Variants in RPA2 observed in about 807,000 individuals in gnomAD.
RPA2 encodes replication protein A2, also known as replication protein A 32 kDa subunit.
Under a neutral mutation model 33.4 loss-of-function variants are expected in RPA2, and 22 were observed. The observed-to-expected ratio is 0.66, with a 90% CI of 0.47 to 0.94. RPA2 has a LOEUF of 0.94. Among genes scored for constraint, RPA2 ranks in the 40% least tolerant of loss-of-function variants. The probability of loss-of-function intolerance (pLI) is 0.00; values close to 1 mark genes in which losing one functional copy is unlikely to be tolerated. For missense variants in RPA2, 279 were observed against 329.9 expected, an observed-to-expected ratio of 0.85 and a Z score of 1.19; for synonymous variants, 109 against 114.9, an observed-to-expected ratio of 0.95 and a Z score of 0.33.
intron 6 of RPA2, 68 bp from the exon 7 acceptor site, chr1:27,894,465 T>C: frequency 2.2e-6 from 3 of 1,344,364 alleles, no homozygotes; most frequent in African/African-American, 1.5e-5. Context: ...CTACTTAAAA[T>C]AGCTCGTTAA....
At chr1:27,911,343 T>C (rs371009692) in intron 2 of RPA2, among the ~76,000 whole-genome samples, 6 of 151,994 alleles carry the variant, frequency 3.9e-5, no homozygotes, top group East Asian at 1.9e-4. Flanking sequence ...CTGGGCAACA[T>C]AGTGACACCC....
At chr1:27,892,424 G>C (rs1012096152) in intron 8 of RPA2, among the ~76,000 whole-genome samples, 177 bp from the exon 9 acceptor site, 2 of 152,174 alleles carry the variant, frequency 1.3e-5, no homozygotes, top group African/African-American at 2.4e-5. Context: ...CAGTAAAATA[G>C]CAAAACAGAG....
Position 27,914,493 on chromosome 1 carries a change from A to T in RPA2, c.-50T>A, listed in dbSNP as rs1186679573. ...GGCCGAGAAGGTGCGGGTCTGGGGG[A>T]ATAGCGGAAAACCACAGAACGCGGC... is the stretch of plus-strand genomic sequence containing the variant. On this transcript the variant is annotated 5_prime_UTR_variant, in exon 1 of 9. Transcript: ENST00000373912. 1.3e-6 allele frequency: 2 copies of T among 1,593,322 alleles called. No individual in the cohort carries two copies. Among genetic ancestry groups the T allele is most frequent in the African/African-American group, 2.7e-5 (2 of 74,438 alleles).
chr1:27,901,907 A>AAG (rs1435067508), intron 4 of RPA2, among the ~76,000 whole-genome samples: 1 of 152,004 alleles, frequency 6.6e-6, no homozygotes, highest in African/African-American at 2.4e-5. Context: ...GCCTCATTAT[A>AAG]AGAGGTCACT....
At chr1:27,905,716 C>A (rs2090018542) in intron 4 of RPA2, among the ~76,000 whole-genome samples, 1 of 152,044 alleles carries the variant, frequency 6.6e-6, no homozygotes, top group Non-Finnish European at 1.5e-5. Flanking sequence ...CAAGCTCCGC[C>A]TCCCAGCTTC....
At chr1:27,906,488 A>G (rs1418118913) in intron 4 of RPA2, among the ~76,000 whole-genome samples, 1 of 151,710 alleles carries the variant, frequency 6.6e-6, no homozygotes, top group Non-Finnish European at 1.5e-5. Flanking sequence ...TCAGGAGTTC[A>G]AGACCAGCCT....
chr1:27,891,618 C>T lies in RPA2; in HGVS notation c.*545G>A, dbSNP rs2089823965. ...GTAACACTTCTTCTTTTCCTCTGCCCCTGGAGGCACTACCGCAGAACTTCA... is the reference window on the plus strand; with the variant it reads ...GTAACACTTCTTCTTTTCCTCTGCCTCTGGAGGCACTACCGCAGAACTTCA... On this transcript the variant is annotated 3_prime_UTR_variant, in exon 9 of 9. Transcript: ENST00000373912. The T allele has an allele frequency of 6.6e-6, 1 of 152,654 alleles. No homozygotes were observed. Among genetic ancestry groups the T allele is most frequent in the African/African-American group, 2.4e-5 (1 of 41,432 alleles). 9.5% of individuals were successfully genotyped at this position (152,654 alleles called of 1,614,324 possible).
Position 27,914,529 on chromosome 1 carries a change from C to G in RPA2, c.-86G>C. 2 of 1,606,200 alleles carry G rather than the reference C, an allele frequency of 1.2e-6. No individual in the cohort carries two copies. Among genetic ancestry groups the G allele is most frequent in the Non-Finnish European group, 1.7e-6 (2 of 1,176,654 alleles). On this transcript the variant is annotated 5_prime_UTR_variant, in exon 1 of 9. Transcript: ENST00000373912. ...ACCACAGAACGCGGCCGCCACTGCG[C>G]CGCTCTGGCTACTTTTCTCTGGCAC...
At chr1:27,897,792 A>G in intron 4 of RPA2, 85 bp from the exon 5 acceptor site, 1 of 960,572 alleles carries the variant, frequency 1.0e-6, no homozygotes, top group Non-Finnish European at 1.5e-6. Flanking sequence ...GTATAGAAAG[A>G]GAAAGTTACG....
intron 2 of RPA2, among the ~76,000 whole-genome samples, chr1:27,912,414 C>T (rs139772523): frequency 1.6e-4 from 24 of 151,790 alleles, no homozygotes; most frequent in Middle Eastern, 6.8e-3. Flanking sequence ...AGCCTGACAC[C>T]GCAGTGAACA....
chr1:27,902,148 G>A (rs759045243), intron 4 of RPA2, among the ~76,000 whole-genome samples: 100 of 152,004 alleles, frequency 6.6e-4, no homozygotes, highest in Admixed American at 7.9e-4. Context: ...GGGCAGTGAC[G>A]CAATCTTGAC....
At chr1:27,908,615 C>T (rs556358108) in intron 2 of RPA2, among the ~76,000 whole-genome samples, 2 of 151,762 alleles carry the variant, frequency 1.3e-5, no homozygotes, top group Non-Finnish European at 2.9e-5. Context: ...CCTGTCTCAG[C>T]CCCCCCGAGT....
chr1:27,905,965 G>GT (rs1481353433), intron 4 of RPA2, among the ~76,000 whole-genome samples: 1 of 135,136 alleles, frequency 7.4e-6, no homozygotes, highest in Non-Finnish European at 1.6e-5. Flanking sequence ...TTAAATGTTT[G>GT]TAATATGTTG....
intron 4 of RPA2, among the ~76,000 whole-genome samples, chr1:27,903,719 CAA>C (rs58435820): frequency 1.1e-4 from 12 of 105,490 alleles, no homozygotes; most frequent in Non-Finnish European, 1.2e-4. Flanking sequence ...AGCTCAGTCT[CAA>C]AAAAAAAAAA....
chr1:27,912,654 C>A (rs1006844212), intron 2 of RPA2, among the ~76,000 whole-genome samples: 1 of 152,204 alleles, frequency 6.6e-6, no homozygotes, highest in African/African-American at 2.4e-5. Context: ...CACCCCGTGA[C>A]ATGAGTACTA....
chr1:27,891,849 C>T lies in RPA2; in HGVS notation c.*314G>A, dbSNP rs1183835750. 4 of 264,976 alleles carry T rather than the reference C, an allele frequency of 1.5e-5. No individual in the cohort carries two copies. Among genetic ancestry groups the T allele is most frequent in the Non-Finnish European group, 2.9e-5 (4 of 137,978 alleles). The allele number at this position is 264,976 out of a possible 1,614,324, so 16.4% of individuals were successfully genotyped here. A position where few individuals can be genotyped will look rare whatever the true frequency, so the allele number is the denominator to read the frequency against. ...CATTTTAAGAAGAGAAACTCCTGAG[C>T]ACTATGTAAGTACTCTCCTGGTAGC... On this transcript the variant is annotated 3_prime_UTR_variant, in exon 9 of 9. Transcript: ENST00000373912.
intron 6 of RPA2, among the ~76,000 whole-genome samples, chr1:27,896,326 CATCT>C (rs1051193701): frequency 6.6e-6 from 1 of 151,942 alleles, no homozygotes; most frequent in African/African-American, 2.4e-5. Flanking sequence ...CCAAGTAGCC[CATCT>C]AATTCTTTAA....
intron 4 of RPA2, among the ~76,000 whole-genome samples, chr1:27,898,516 A>G (rs2089920106): frequency 6.6e-6 from 1 of 151,490 alleles, no homozygotes; most frequent in African/African-American, 2.4e-5. Context: ...ATATGCACAC[A>G]TTATTTATAA....
intron 2 of RPA2, among the ~76,000 whole-genome samples, chr1:27,908,079 C>A (rs2090053269): frequency 6.6e-6 from 1 of 151,794 alleles, no homozygotes; most frequent in East Asian, 1.9e-4. Flanking sequence ...GTGATCTGCC[C>A]ACCTCAGCCT....
Sources: allele counts gnomAD v4.1 joint callset (sites outside exome capture counted in the v4.1 genomes callset), GRCh38; gene constraint gnomAD v4.1.1; transcripts MANE v1.5; gene names NCBI Gene and HGNC (gene_info 2026-07-23, HGNC 2026-07-21).